Variants in DIXDC1 observed in about 807,000 individuals in gnomAD.
The protein encoded by DIXDC1 is DIX domain containing 1, also known as dixin.
DIXDC1 carries 64 observed loss-of-function variants against 103.1 expected under a neutral mutation model. That is an observed-to-expected ratio of 0.62 (90% CI 0.51 to 0.76). The LOEUF (loss-of-function observed/expected upper bound fraction) is 0.76, where lower values mean the gene tolerates loss of function less well. DIXDC1 is among the 30% of genes least tolerant of loss of function. DIXDC1 has a pLI of 0.00. For missense variants in DIXDC1, 759 were observed against 834.2 expected (o/e 0.91, Z 1.11); for synonymous variants, 266 against 298.5 (o/e 0.89, Z 1.12).
At chr11:111,927,649 C>G (rs1283686712) in intron 1 of DIXDC1, among the ~76,000 whole-genome samples, 1 of 152,070 alleles carries the variant, frequency 6.6e-6, no homozygotes, top group African/African-American at 2.4e-5. Context: ...CTCTGCTGGT[C>G]CCTAAGAGGG....
intron 1 of DIXDC1, among the ~76,000 whole-genome samples, chr11:111,938,315 TC>T (rs1276172706): frequency 6.6e-6 from 1 of 152,122 alleles, no homozygotes; most frequent in Non-Finnish European, 1.5e-5. Flanking sequence ...TTGGGATGCT[TC>T]CCCCTCAAGA....
chr11:111,950,543 C>G, intron 1 of DIXDC1, among the ~76,000 whole-genome samples: 1 of 143,364 alleles, frequency 7.0e-6, no homozygotes, highest in Non-Finnish European at 1.5e-5. Context: ...GCAACCTCTG[C>G]CTCTCAGGTT....
At chr11:111,996,240 T>G in intron 17 of DIXDC1, 94 bp downstream of exon 17, 3 of 1,084,786 alleles carry the variant, frequency 2.8e-6, no homozygotes, top group Non-Finnish European at 4.0e-6. Flanking sequence ...TAATTTTTCT[T>G]GTAGTACTTC....
intron 1 of DIXDC1, chr11:111,946,666 G>A (rs1966608373): frequency 3.4e-6 from 1 of 290,880 alleles, no homozygotes; most frequent in Non-Finnish European, 7.3e-6. Flanking sequence ...CAGCCAACAT[G>A]TTTTTTTTCC....
intron 1 of DIXDC1, among the ~76,000 whole-genome samples, chr11:111,960,438 A>G (rs1279852595): frequency 6.6e-6 from 1 of 151,128 alleles, no homozygotes; most frequent in East Asian, 2.0e-4. Flanking sequence ...TACTAAAAAT[A>G]CAGAAATTAG....
At chr11:111,952,122 T>C (rs1184616508) in intron 1 of DIXDC1, among the ~76,000 whole-genome samples, 1 of 152,140 alleles carries the variant, frequency 6.6e-6, no homozygotes, top group Non-Finnish European at 1.5e-5. Flanking sequence ...CGCCTCAGCC[T>C]CCCAAAGTGC....
rs940568490 is a variant in DIXDC1, at chr11:111,977,576, C to A, written c.656+2593C>A. 3.0e-4 allele frequency: 443 copies of A among 1,496,644 alleles called. 1 individual carries two copies. The highest frequency in any genetic ancestry group is 3.9e-4 in the Non-Finnish European group (432 of 1,122,048). The allele number at this position is 1,496,644 out of a possible 1,614,324, so 92.7% of individuals were successfully genotyped here. A position where few individuals can be genotyped will look rare whatever the true frequency, so the allele number is the denominator to read the frequency against. On this transcript the variant is annotated intron_variant, in intron 5 of 19. Coordinates refer to ENST00000440460, the MANE Select transcript of DIXDC1 (RefSeq NM_001037954.4). The surrounding 1 kb of genome is among the most constrained non-coding windows in gnomAD (Gnocchi z 6.1). ...CCTGGAGCATCCCAGTCGCTGGGGC[C>A]GAGACGCCGCCGCCGCCGCCGTTCC...
Position 111,977,977 on chromosome 11 carries a change from G to A in DIXDC1, c.657-2760G>A, listed in dbSNP as rs983248070. ...GCGTAGGAAGTGGAGCCAGCATGGG[G>A]GGAGGATGAGTAGCCCTTGCGCCTG... is the stretch of plus-strand genomic sequence containing the variant. On this transcript the variant is annotated intron_variant, in intron 5 of 19. Transcript: ENST00000440460. The surrounding 1 kb of genome is among the most constrained non-coding windows in gnomAD (Gnocchi z 6.1). 2.0e-5 allele frequency among the ~76,000 whole-genome samples: 3 copies of A among 152,152 alleles called. No homozygotes were observed. The highest frequency in any genetic ancestry group is 2.9e-5 in the Non-Finnish European group (2 of 68,046).
intron 3 of DIXDC1, among the ~76,000 whole-genome samples, chr11:111,969,198 C>T (rs782575185): frequency 6.6e-5 from 10 of 151,782 alleles, no homozygotes; most frequent in African/African-American, 1.7e-4. Flanking sequence ...GAGGCCAAGG[C>T]GGGAGGATCA....
Position 111,993,715 on chromosome 11 carries a change from A to C in DIXDC1, c.1412A>C (p.His471Pro), listed in dbSNP as rs1555174903. 1 of 1,614,024 alleles carries C rather than the reference A, an allele frequency of 6.2e-7. No individual in the cohort carries two copies. The highest frequency in any genetic ancestry group is 8.5e-7 in the Non-Finnish European group (1 of 1,179,888). ...ELEHKDVLLA[H>P]CMKREADEAT... ...GAACACAAAGATGTCCTCTTGGCTC[A>C]CTGTATGAAAAGAGAGGCAGATGAG... is the stretch of plus-strand genomic sequence containing the variant. Residue 471 changes from histidine (H) to proline (P), a missense_variant, in exon 14 of 20, where the codon CAC becomes CCC. By Grantham distance (77) the His-to-Pro change is moderately conservative (BLOSUM62 -2). This residue lies in a region of DIXDC1 where 657 missense variants were observed against 727.5 expected (regional missense o/e 0.90). Transcript: ENST00000440460.
At chr11:111,990,077 A>G (rs1555174369) in intron 10 of DIXDC1, among the ~76,000 whole-genome samples, 2 of 138,362 alleles carry the variant, frequency 1.4e-5, no homozygotes, top group African/African-American at 2.7e-5. Flanking sequence ...GGTGTGAGCC[A>G]CCGCGCCCGG....
intron 5 of DIXDC1, 67 bp downstream of exon 5, chr11:111,975,050 C>T: frequency 1.9e-6 from 3 of 1,554,746 alleles, no homozygotes; most frequent in Non-Finnish European, 8.7e-7. Context: ...AGTAACAATA[C>T]AACAAGCAAA....
At chr11:111,991,047 A>G (rs1328058804) in intron 10 of DIXDC1, among the ~76,000 whole-genome samples, 15 of 152,178 alleles carry the variant, frequency 9.9e-5, no homozygotes, top group Non-Finnish European at 1.5e-5. Context: ...TATCTGTGCA[A>G]TAATACCTAG....
intron 10 of DIXDC1, among the ~76,000 whole-genome samples, chr11:111,990,947 C>T (rs587710217): frequency 6.6e-6 from 1 of 152,190 alleles, no homozygotes; most frequent in African/African-American, 2.4e-5. Flanking sequence ...CCTCGTGATC[C>T]GCCTGCCTTG....
chr11:111,999,145 T>C (rs1449246288), intron 17 of DIXDC1, among the ~76,000 whole-genome samples: 1 of 152,234 alleles, frequency 6.6e-6, no homozygotes, highest in African/African-American at 2.4e-5. Flanking sequence ...GCAAGGCAAA[T>C]GTTTCTCATT....
intron 3 of DIXDC1, 27 bp downstream of exon 3, chr11:111,968,665 C>T (rs782161797): frequency 6.3e-7 from 1 of 1,595,768 alleles, no homozygotes; most frequent in Non-Finnish European, 8.5e-7. Flanking sequence ...ATCCTTGGTG[C>T]ATGAGTATAC....
chr11:111,968,032 G>A (rs943222832), intron 2 of DIXDC1, among the ~76,000 whole-genome samples: 11 of 152,144 alleles, frequency 7.2e-5, no homozygotes, highest in Admixed American at 2.6e-4. Context: ...TTTATTCAAG[G>A]TGCTGCCAAA....
rs782207826 is a variant in DIXDC1 at position 111,964,640 on chromosome 11, G to GC, written c.152_153insC (p.Asp52GlyfsTer26). The GC allele has an allele frequency of 1.5e-5, 24 of 1,612,238 alleles. No homozygotes were observed. The highest frequency in any genetic ancestry group is 2.0e-5 in the Non-Finnish European group (23 of 1,179,284). ...GTGCAGGACCTGCGACAAGATCTCCGGGATGGGGTGATCCTGGCATATCTC... is the reference window on the plus strand; with the variant it reads ...GTGCAGGACCTGCGACAAGATCTCCGCGGATGGGGTGATCCTGGCATATCTC... On this transcript the variant is annotated frameshift_variant, in exon 2 of 20. Coordinates refer to ENST00000440460, the MANE Select transcript of DIXDC1 (RefSeq NM_001037954.4). LOFTEE classifies it high-confidence loss of function.
intron 1 of DIXDC1, among the ~76,000 whole-genome samples, chr11:111,948,514 G>C (rs1455661450): frequency 8.6e-5 from 13 of 151,846 alleles, no homozygotes; most frequent in African/African-American, 2.9e-4. Context: ...GGTTTCCCCT[G>C]CTCATGGCCC....
Sources: gnomAD v4.1 joint callset for allele counts (sites outside exome capture counted in the v4.1 genomes callset) on GRCh38, gnomAD v4.1.1 for gene constraint, gnomAD v4.1.1 regional missense constraint, Gnocchi (gnomAD v3.1) non-coding constraint, MANE v1.5 for transcripts, NCBI Gene and HGNC (gene_info 2026-07-23, HGNC 2026-07-21) for gene names.